ENTREP2: variants seen among roughly 807,000 people sequenced by gnomAD.
ENTREP2 encodes the protein protein ENTREP2.
the ENTREP2 span, among the ~76,000 whole-genome samples, chr15:29,510,670 G>A: frequency 3.9e-5 from 6 of 151,924 alleles, no homozygotes; most frequent in Non-Finnish European, 5.9e-5. Flanking sequence ...AGCCGGGCAT[G>A]GTGGCTGGCA....
At chr15:29,525,144 C>T in the ENTREP2 span, among the ~76,000 whole-genome samples, 1 of 152,208 alleles carries the variant, frequency 6.6e-6, no homozygotes, top group Admixed American at 6.5e-5. Context: ...CCAGCTAGTC[C>T]TGTCTTTCAG....
chr15:29,124,272 G>C, the ENTREP2 span, among the ~76,000 whole-genome samples: 1 of 152,236 alleles, frequency 6.6e-6, no homozygotes, highest in Non-Finnish European at 1.5e-5. Flanking sequence ...TCAGTGGCGA[G>C]GGACGCCAAC....
the ENTREP2 span, among the ~76,000 whole-genome samples, chr15:29,150,358 CTTA>C: frequency 6.6e-6 from 1 of 152,174 alleles, no homozygotes; most frequent in Non-Finnish European, 1.5e-5. Context: ...TTACTTTATT[CTTA>C]TTTAGTTGGC....
At chr15:29,238,079 C>G in the ENTREP2 span, among the ~76,000 whole-genome samples, 4 of 152,056 alleles carry the variant, frequency 2.6e-5, no homozygotes, top group Non-Finnish European at 1.5e-5. Flanking sequence ...AAACATTATG[C>G]TAAGAAAGAA....
the ENTREP2 span, among the ~76,000 whole-genome samples, chr15:29,657,934 A>C: frequency 6.6e-6 from 1 of 152,234 alleles, no homozygotes; most frequent in East Asian, 1.9e-4. Flanking sequence ...TACACATAAC[A>C]GCATCAATGA....
At chr15:29,463,978 T>C in the ENTREP2 span, among the ~76,000 whole-genome samples, 4 of 152,118 alleles carry the variant, frequency 2.6e-5, no homozygotes, top group Non-Finnish European at 5.9e-5. Context: ...TACTGCAAGA[T>C]GCCACTCATA....
At chr15:29,425,867 AAAC>A in the ENTREP2 span, among the ~76,000 whole-genome samples, 1 of 152,008 alleles carries the variant, frequency 6.6e-6, no homozygotes, top group East Asian at 1.9e-4. Flanking sequence ...GATTTTATCA[AAAC>A]AACCACATTA....
chr15:29,670,602 C>T, the ENTREP2 span, among the ~76,000 whole-genome samples: 1 of 152,200 alleles, frequency 6.6e-6, no homozygotes, highest in Non-Finnish European at 1.5e-5. Context: ...CACGCTGAAG[C>T]AGATGTGTGG....
chr15:29,477,325 C>T, the ENTREP2 span, among the ~76,000 whole-genome samples: 1 of 152,090 alleles, frequency 6.6e-6, no homozygotes, highest in Non-Finnish European at 1.5e-5. Flanking sequence ...GCCGGCTACA[C>T]AGAGACATTC....
the ENTREP2 span, among the ~76,000 whole-genome samples, chr15:29,665,905 G>A: frequency 1.8e-4 from 26 of 148,090 alleles, no homozygotes; most frequent in African/African-American, 6.0e-4. Context: ...CCAGGCCGGA[G>A]TGCAGTGGTG....
the ENTREP2 span, among the ~76,000 whole-genome samples, chr15:29,456,841 T>C: frequency 6.6e-6 from 1 of 152,128 alleles, no homozygotes; most frequent in African/African-American, 2.4e-5. Context: ...CTGGAACACA[T>C]AATTCATGTG....
chr15:29,552,585 AC>A, the ENTREP2 span, among the ~76,000 whole-genome samples: 2 of 152,022 alleles, frequency 1.3e-5, no homozygotes, highest in Non-Finnish European at 2.9e-5. Context: ...AATAATAATA[AC>A]AAAAAACGAG....
chr15:29,491,448 T>G, the ENTREP2 span, among the ~76,000 whole-genome samples: 1 of 152,140 alleles, frequency 6.6e-6, no homozygotes, highest in Admixed American at 6.5e-5. Context: ...ACTTGTTGAG[T>G]GTGAGTACCT....
chr15:29,565,480 G>C, the ENTREP2 span, among the ~76,000 whole-genome samples: 13 of 152,036 alleles, frequency 8.6e-5, no homozygotes, highest in East Asian at 2.5e-3. Context: ...TTCCCAGCAG[G>C]AGAATAACTG....
chr15:29,364,003 G>C, the ENTREP2 span, among the ~76,000 whole-genome samples: 1 of 152,006 alleles, frequency 6.6e-6, no homozygotes, highest in Non-Finnish European at 1.5e-5. Context: ...CATAACCTAA[G>C]AACCACCCAA....
the ENTREP2 span, among the ~76,000 whole-genome samples, chr15:29,655,271 A>C: frequency 6.6e-6 from 1 of 152,284 alleles, no homozygotes; most frequent in South Asian, 2.1e-4. Context: ...TGGTAGCACA[A>C]CCCTAATCTA....
the ENTREP2 span, among the ~76,000 whole-genome samples, chr15:29,580,089 G>A: frequency 6.6e-6 from 1 of 151,812 alleles, no homozygotes; most frequent in African/African-American, 2.4e-5. Flanking sequence ...TCAGGCAGTC[G>A]GCCCATCTCA....
At chr15:29,453,648 AGAAATAACGTATATCACCACCAG>A in the ENTREP2 span, among the ~76,000 whole-genome samples, 1 of 152,244 alleles carries the variant, frequency 6.6e-6, no homozygotes, top group East Asian at 1.9e-4. Flanking sequence ...AAAGAAGAAA[AGAAATAACGTATATCACCACCAG>A]GAAATAACCA....
chr15:29,426,037 A>C, the ENTREP2 span, among the ~76,000 whole-genome samples: 3 of 150,448 alleles, frequency 2.0e-5, no homozygotes, highest in African/African-American at 4.9e-5. Flanking sequence ...TTATTACATA[A>C]AGATAATTGA....
Sources: gnomAD v4.1 joint callset for allele counts (sites outside exome capture counted in the v4.1 genomes callset) on GRCh38, gnomAD v4.1.1 for gene constraint, MANE v1.5 for transcripts, NCBI Gene and HGNC (gene_info 2026-07-23, HGNC 2026-07-21) for gene names.